NHEJ1: variants seen among roughly 807,000 people sequenced by gnomAD.
NHEJ1 encodes non-homologous end joining factor 1.
A neutral mutation model predicts 39.4 loss-of-function variants in NHEJ1; 22 were observed. That is an observed-to-expected ratio of 0.56 (90% CI 0.40 to 0.80). The LOEUF is 0.80. NHEJ1 is among the 30% of genes least tolerant of loss of function. The probability of loss-of-function intolerance (pLI) is 0.00; values close to 1 mark genes in which losing one functional copy is unlikely to be tolerated. For missense variants in NHEJ1, 329 were observed against 357.1 expected, an observed-to-expected ratio of 0.92 and a Z score of 0.63; for synonymous variants, 154 against 135.6, an observed-to-expected ratio of 1.14 and a Z score of -0.94.
chr2:219,158,935 G>A (rs578236362), intron 1 of NHEJ1: 1 of 170,414 alleles, frequency 5.9e-6, no homozygotes, highest in African/African-American at 2.4e-5. Context: ...GAATCCTCTA[G>A]AATTATATGA....
At chr2:219,113,418 C>T (rs942056675) in intron 5 of NHEJ1, among the ~76,000 whole-genome samples, 4 of 152,040 alleles carry the variant, frequency 2.6e-5, no homozygotes, top group African/African-American at 9.7e-5. Context: ...CAGGTAGGGA[C>T]CAGCTTCCTT....
At chr2:219,093,333 A>G (rs983882230) in intron 5 of NHEJ1, among the ~76,000 whole-genome samples, 1 of 152,342 alleles carries the variant, frequency 6.6e-6, no homozygotes, top group Middle Eastern at 3.4e-3. Context: ...ATCAGTAAAG[A>G]AGTCAGGGCA....
At chr2:219,156,207 C>T (rs940551347) in intron 3 of NHEJ1, among the ~76,000 whole-genome samples, 1 of 152,058 alleles carries the variant, frequency 6.6e-6, no homozygotes, top group Non-Finnish European at 1.5e-5. Flanking sequence ...TGAGATCACA[C>T]CACTGCACTC....
At chr2:219,146,644 G>T in intron 5 of NHEJ1, 36 bp downstream of exon 5, 1 of 1,540,448 alleles carries the variant, frequency 6.5e-7, no homozygotes, top group South Asian at 1.1e-5. Context: ...AGAGGAAGTA[G>T]GGCAAAGACA....
intron 5 of NHEJ1, among the ~76,000 whole-genome samples, chr2:219,091,002 C>T (rs1010618782): frequency 6.6e-6 from 1 of 152,166 alleles, no homozygotes; most frequent in African/African-American, 2.4e-5. Context: ...GGCTGTGAGC[C>T]CCTAGAGTTC....
At chr2:219,080,688 T>C (rs75534185) in intron 5 of NHEJ1, among the ~76,000 whole-genome samples, 2 of 118,346 alleles carry the variant, frequency 1.7e-5, no homozygotes, top group Non-Finnish European at 3.5e-5. Flanking sequence ...CTAATATATA[T>C]GCTTATATAT....
chr2:219,087,310 C>G (rs1949120442), intron 5 of NHEJ1, among the ~76,000 whole-genome samples: 1 of 151,572 alleles, frequency 6.6e-6, no homozygotes, highest in Non-Finnish European at 1.5e-5. Context: ...AGCTATAAGG[C>G]AGATAGTCTG....
At chr2:219,115,304 T>C (rs182050737) in intron 5 of NHEJ1, among the ~76,000 whole-genome samples, 8 of 152,160 alleles carry the variant, frequency 5.3e-5, no homozygotes, top group Middle Eastern at 3.4e-3. Flanking sequence ...AGGGCCTAAT[T>C]AGAAAGAAAA....
chr2:219,146,906 G>C (rs1401929554), intron 4 of NHEJ1, among the ~76,000 whole-genome samples, 168 bp from the exon 5 acceptor site: 1 of 152,234 alleles, frequency 6.6e-6, no homozygotes, highest in African/African-American at 2.4e-5. Context: ...TGGGCAAAAA[G>C]TAGTGGGAGA....
At chr2:219,129,465 CTG>C (rs1391508444) in intron 5 of NHEJ1, among the ~76,000 whole-genome samples, 1 of 152,204 alleles carries the variant, frequency 6.6e-6, no homozygotes, top group Non-Finnish European at 1.5e-5. Flanking sequence ...TGACTTTACT[CTG>C]ATAAATCAAG....
intron 5 of NHEJ1, among the ~76,000 whole-genome samples, chr2:219,087,699 TC>T (rs1449474464): frequency 6.6e-6 from 1 of 152,132 alleles, no homozygotes; most frequent in Non-Finnish European, 1.5e-5. Context: ...AAGGTACTGA[TC>T]TTCATGACCT....
rs1016597996 is a variant in NHEJ1 at position 219,071,678 on chromosome 2, T to C, written c.*4703A>G. Among the ~76,000 whole-genome samples, 1 of 152,152 alleles carries C rather than the reference T, an allele frequency of 6.6e-6. No homozygotes were observed. Among genetic ancestry groups the C allele is most frequent in the Admixed American group, 6.5e-5 (1 of 15,284 alleles). Reference sequence around the variant, plus strand: ...GCATGCTCCTTTAACTACTGGCCCTTGGCCCAGCAGGACAAGTAATCCTAG... The same window carrying C: ...GCATGCTCCTTTAACTACTGGCCCTCGGCCCAGCAGGACAAGTAATCCTAG... On this transcript the variant is annotated 3_prime_UTR_variant, in exon 8 of 8. Transcript: ENST00000356853.
intron 5 of NHEJ1, chr2:219,124,715 C>CT (rs1343868142): frequency 6.6e-6 from 1 of 151,764 alleles, no homozygotes; most frequent in African/African-American, 2.4e-5. Flanking sequence ...CTACAACACT[C>CT]TTTAACATTT....
chr2:219,133,907 A>C (rs1321203519), intron 5 of NHEJ1, among the ~76,000 whole-genome samples: 1 of 152,098 alleles, frequency 6.6e-6, no homozygotes, highest in Non-Finnish European at 1.5e-5. Context: ...CTTCCACACC[A>C]TTCCTTTCCC....
In NHEJ1 at chr2:219,073,879, T is replaced by G. The variant is rs1429414425; in HGVS notation, c.*2502A>C. On this transcript the variant is annotated 3_prime_UTR_variant, in exon 8 of 8. Transcript: ENST00000356853. The stretch of plus-strand genomic sequence containing the variant: ...GCCACGAGAATTCGACCCTTTTATG[T>G]GCATGTAGAGTGGGGGTTGGGCCAG... 6.6e-6 allele frequency among the ~76,000 whole-genome samples: 1 copy of G among 152,120 alleles called. No individual in the cohort carries two copies. Among genetic ancestry groups the G allele is most frequent in the African/African-American group, 2.4e-5 (1 of 41,426 alleles).
At chr2:219,156,338 A>G (rs1949855091) in intron 3 of NHEJ1, among the ~76,000 whole-genome samples, 1 of 152,258 alleles carries the variant, frequency 6.6e-6, no homozygotes, top group Non-Finnish European at 1.5e-5. Context: ...ATGCCAAAGC[A>G]TCACATCCCC....
intron 5 of NHEJ1, among the ~76,000 whole-genome samples, chr2:219,128,981 C>A (rs1345232463): frequency 2.0e-5 from 3 of 152,162 alleles, no homozygotes; most frequent in Non-Finnish European, 4.4e-5. Context: ...GGCTTTTGGC[C>A]CCTTCCCTAG....
chr2:219,086,152 C>T (rs1249796546), intron 5 of NHEJ1, among the ~76,000 whole-genome samples: 1 of 152,196 alleles, frequency 6.6e-6, no homozygotes, highest in Non-Finnish European at 1.5e-5. Flanking sequence ...CAATTAACCT[C>T]CACTGTTACC....
intron 5 of NHEJ1, among the ~76,000 whole-genome samples, chr2:219,132,889 A>G (rs2106352087): frequency 6.6e-6 from 1 of 152,324 alleles, no homozygotes; most frequent in East Asian, 1.9e-4. Context: ...CAGCAGTTTA[A>G]TCTCTATCAA....
Sources: allele counts gnomAD v4.1 joint callset (sites outside exome capture counted in the v4.1 genomes callset), GRCh38; gene constraint gnomAD v4.1.1; transcripts MANE v1.5; gene names NCBI Gene and HGNC (gene_info 2026-07-23, HGNC 2026-07-21).